Variants in CDC5L observed in about 807,000 individuals in gnomAD.
CDC5L encodes cell division cycle 5 like, also known as cell division cycle 5-like protein.
In CDC5L, 18 loss-of-function variants were observed where a neutral mutation model predicts 104.1. The ratio of observed to expected loss-of-function variants is 0.17; its 90% CI spans 0.12 to 0.26. CDC5L has a LOEUF of 0.26. Among genes scored for constraint, CDC5L ranks in the 10% least tolerant of loss-of-function variants. The pLI is 1.00. For missense variants in CDC5L, 673 were observed against 956.9 expected (o/e 0.70, Z 3.91); for synonymous variants, 331 against 322.7 (o/e 1.03, Z -0.28).
At chr6:44,410,457 C>T (rs1338457958) in intron 8 of CDC5L, among the ~76,000 whole-genome samples, 6 of 152,156 alleles carry the variant, frequency 3.9e-5, no homozygotes, top group African/African-American at 1.4e-4. Flanking sequence ...TTCATTTCTC[C>T]ACTGGTGGAC....
chr6:44,421,877 G>A (rs1010889196), intron 9 of CDC5L, among the ~76,000 whole-genome samples: 2 of 152,096 alleles, frequency 1.3e-5, no homozygotes, highest in Admixed American at 6.6e-5. Flanking sequence ...TGGATACTTA[G>A]GGACAACTGT....
rs1015575416 is a variant in CDC5L, at chr6:44,426,566, A to G, written c.1735A>G (p.Met579Val). The G allele has an allele frequency of 1.2e-6, 2 of 1,612,968 alleles. No homozygotes were observed. Among genetic ancestry groups the G allele is most frequent in the South Asian group, 2.2e-5 (2 of 91,052 alleles). ...AAGTGAAGAACTAATCAAAAAAGAA[A>G]TGATCACAATGCTTCATTATGACCT... ...QKSEELIKKEMITMLHYDLLH... is the reference protein window; with the variant it reads ...QKSEELIKKEVITMLHYDLLH... The change falls in exon 13 of 16, where the codon ATG (methionine) becomes GTG (valine). Residue 579 changes from methionine (M) to valine (V), a missense_variant. Physicochemically the swap from Met to Val is conservative, Grantham distance 21. This residue lies in a region of CDC5L where 578 missense variants were observed against 737.0 expected (regional missense o/e 0.78). Transcript: ENST00000371477.
chr6:44,414,923 G>A (rs1791842990), intron 8 of CDC5L, among the ~76,000 whole-genome samples: 1 of 152,022 alleles, frequency 6.6e-6, no homozygotes, highest in African/African-American at 2.4e-5. Context: ...CTTACATTTA[G>A]GTCTGTGATC....
At chr6:44,408,325 C>A in intron 7 of CDC5L, 119 bp from the exon 8 acceptor site, 3 of 544,700 alleles carry the variant, frequency 5.5e-6, no homozygotes, top group Non-Finnish European at 9.3e-6. Context: ...AGGTCCCGAA[C>A]TCCTGGGCTC....
intron 8 of CDC5L, among the ~76,000 whole-genome samples, chr6:44,411,427 C>T (rs1290165467): frequency 6.8e-6 from 1 of 147,940 alleles, no homozygotes; most frequent in African/African-American, 2.5e-5. Context: ...TCTCTGGGAA[C>T]CTAGTTGGGG....
At chr6:44,417,827 T>C (rs1019776450) in intron 8 of CDC5L, among the ~76,000 whole-genome samples, 3 of 152,152 alleles carry the variant, frequency 2.0e-5, no homozygotes, top group East Asian at 3.9e-4. Flanking sequence ...GAGATACTAA[T>C]GAAGACTGGA....
intron 2 of CDC5L, among the ~76,000 whole-genome samples, chr6:44,392,327 T>C (rs1790659664): frequency 1.3e-5 from 2 of 152,232 alleles, no homozygotes; most frequent in African/African-American, 4.8e-5. Flanking sequence ...GGAAACACTG[T>C]AAGAAACGTG....
chr6:44,444,233 C>G (rs1380190406), intron 14 of CDC5L, among the ~76,000 whole-genome samples: 1 of 152,130 alleles, frequency 6.6e-6, no homozygotes, highest in Admixed American at 6.5e-5. Flanking sequence ...AATGCCTATG[C>G]TTGTGTTGTG....
chr6:44,428,364 G>C (rs11572031), intron 13 of CDC5L, among the ~76,000 whole-genome samples: 1 of 151,960 alleles, frequency 6.6e-6, no homozygotes. Context: ...AGATTTTGAT[G>C]TGTTTATTTT....
At position 44,449,963 on chromosome 6, in the gene CDC5L, C is replaced by T. The variant is rs576540083; in HGVS notation, c.*3252C>T. ...CACTGCAACCTCTGCCTCCTGGGCT[C>T]GAGTGATTCTCTGCCTCAGCCTTCC... On this transcript the variant is annotated 3_prime_UTR_variant, in exon 16 of 16. Transcript: ENST00000371477. The T allele has an allele frequency of 9.2e-5, 14 of 151,444 alleles. No homozygotes were observed. Among genetic ancestry groups the T allele is most frequent in the Admixed American group, 6.6e-4 (10 of 15,206 alleles). The allele number at this position is 151,444 out of a possible 1,614,324, so 9.4% of individuals were successfully genotyped here.
At chr6:44,429,356 T>C (rs1380962458) in intron 13 of CDC5L, among the ~76,000 whole-genome samples, 3 of 152,184 alleles carry the variant, frequency 2.0e-5, no homozygotes, top group African/African-American at 7.2e-5. Flanking sequence ...TAATATTGGC[T>C]AATTTGTAAG....
At chr6:44,440,094 A>G (rs1431436293) in intron 14 of CDC5L, among the ~76,000 whole-genome samples, 2 of 152,198 alleles carry the variant, frequency 1.3e-5, no homozygotes, top group Non-Finnish European at 2.9e-5. Flanking sequence ...AGAGGAATAA[A>G]AGCTTAACTT....
intron 14 of CDC5L, 124 bp from the exon 15 acceptor site, chr6:44,445,531 A>G (rs1793408137): frequency 4.7e-6 from 3 of 636,914 alleles, no homozygotes; most frequent in Admixed American, 2.9e-5. Context: ...TAATTGAGCT[A>G]TAAGGAGTTC....
At chr6:44,404,800 C>A (rs1791290399) in intron 6 of CDC5L, among the ~76,000 whole-genome samples, 1 of 152,112 alleles carries the variant, frequency 6.6e-6, no homozygotes, top group South Asian at 2.1e-4. Flanking sequence ...TCAAGCAGTC[C>A]TTCCACCTCA....
intron 3 of CDC5L, among the ~76,000 whole-genome samples, 174 bp downstream of exon 3, chr6:44,393,002 T>C (rs1790687128): frequency 6.6e-6 from 1 of 152,194 alleles, no homozygotes; most frequent in Admixed American, 6.5e-5. Flanking sequence ...AATTATGCCT[T>C]CTGTCATATA....
intron 9 of CDC5L, 110 bp from the exon 10 acceptor site, chr6:44,422,537 A>G: frequency 1.3e-6 from 1 of 781,096 alleles, no homozygotes; most frequent in Non-Finnish European, 2.0e-6. Context: ...TGAAATCTTT[A>G]TTCTTTTTTT....
At chr6:44,390,403 A>G in intron 2 of CDC5L, 32 bp downstream of exon 2, 1 of 1,299,440 alleles carries the variant, frequency 7.7e-7, no homozygotes, top group African/African-American at 1.5e-5. Flanking sequence ...GGAAAACAGA[A>G]AAGGAGCTTA....
intron 14 of CDC5L, among the ~76,000 whole-genome samples, chr6:44,430,965 A>G (rs1792657172): frequency 1.3e-5 from 2 of 152,182 alleles, no homozygotes; most frequent in South Asian, 4.1e-4. Context: ...CATATACAGA[A>G]AATCGTCTTG....
chr6:44,445,418 G>A (rs1484353002), intron 14 of CDC5L, among the ~76,000 whole-genome samples: 2 of 152,088 alleles, frequency 1.3e-5, no homozygotes, highest in South Asian at 2.1e-4. Context: ...AAGTTCAATC[G>A]TGGGTCAAAT....
Sources: allele counts gnomAD v4.1 joint callset (sites outside exome capture counted in the v4.1 genomes callset), GRCh38; gene constraint gnomAD v4.1.1; regional missense constraint gnomAD v4.1.1; transcripts MANE v1.5; gene names NCBI Gene and HGNC (gene_info 2026-07-23, HGNC 2026-07-21).